The following MSRB3 variants were observed in gnomAD, a reference collection of about 807,000 sequenced individuals.
MSRB3 encodes the protein methionine sulfoxide reductase B3.
A neutral mutation model predicts 21.0 loss-of-function variants in MSRB3; 13 were observed. That is an observed-to-expected ratio of 0.62 (90% confidence interval 0.40 to 0.98). The LOEUF is 0.98. Among genes scored for constraint, MSRB3 ranks in the 50% least tolerant of loss-of-function variants. The pLI, the probability that MSRB3 is intolerant of heterozygous loss-of-function variation, is 0.00. For missense variants in MSRB3, 199 were observed against 230.3 expected, an observed-to-expected ratio of 0.86 and a Z score of 0.88; for synonymous variants, 87 against 88.6, an observed-to-expected ratio of 0.98 and a Z score of 0.10.
At chr12:65,296,300 C>T (rs1055485588) in intron 1 of MSRB3, among the ~76,000 whole-genome samples, 2 of 152,180 alleles carry the variant, frequency 1.3e-5, no homozygotes, top group Non-Finnish European at 2.9e-5. Flanking sequence ...AACACTCACA[C>T]GCATGCATGC....
chr12:65,302,162 A>G (rs1019618339), intron 1 of MSRB3, among the ~76,000 whole-genome samples: 4 of 152,158 alleles, frequency 2.6e-5, no homozygotes, highest in African/African-American at 9.6e-5. Context: ...ATTGATATTT[A>G]TAATCATGTA....
At chr12:65,448,047 A>C (rs948482752) in intron 5 of MSRB3, among the ~76,000 whole-genome samples, 2 of 152,218 alleles carry the variant, frequency 1.3e-5, no homozygotes, top group South Asian at 4.1e-4. Context: ...AGGATTTGGC[A>C]GAATAACACA....
chr12:65,448,179 C>G (rs1882702894), intron 5 of MSRB3, among the ~76,000 whole-genome samples: 1 of 152,104 alleles, frequency 6.6e-6, no homozygotes, highest in South Asian at 2.1e-4. Flanking sequence ...CTAAGGCTGT[C>G]TTACAGAGTG....
chr12:65,338,521 A>T (rs10878261), intron 4 of MSRB3, among the ~76,000 whole-genome samples: 2 of 152,084 alleles, frequency 1.3e-5, no homozygotes, highest in Non-Finnish European at 2.9e-5. Context: ...GACGACGTCT[A>T]TGGCTAGGAC....
At chr12:65,423,540 C>G (rs11175761) in intron 5 of MSRB3, among the ~76,000 whole-genome samples, 43,090 of 151,906 alleles carry the variant, frequency 0.28, 6,761 homozygotes, top group Middle Eastern at 0.46. Context: ...TTGTTGAGAG[C>G]TTTTATCATG....
chr12:65,380,652 A>G (rs530769888), intron 5 of MSRB3, among the ~76,000 whole-genome samples: 201 of 152,260 alleles, frequency 1.3e-3, no homozygotes, highest in Middle Eastern at 6.8e-3. Context: ...TACAAAATTG[A>G]TTTTCTGCCT....
intron 5 of MSRB3, among the ~76,000 whole-genome samples, chr12:65,421,192 G>C (rs186116420): frequency 4.3e-4 from 66 of 152,180 alleles, no homozygotes; most frequent in Non-Finnish European, 4.3e-4. Context: ...TTGTGGTTTT[G>C]ATTTGCATTT....
chr12:65,280,606 T>C (rs1302682296), intron 1 of MSRB3, among the ~76,000 whole-genome samples: 1 of 152,210 alleles, frequency 6.6e-6, no homozygotes, highest in African/African-American at 2.4e-5. Context: ...TATATCAGTC[T>C]AATTTCTGAT....
chr12:65,377,709 A>T (rs1396410765), intron 5 of MSRB3, among the ~76,000 whole-genome samples: 1 of 152,190 alleles, frequency 6.6e-6, no homozygotes, highest in Non-Finnish European at 1.5e-5. Flanking sequence ...ATGATGGAAG[A>T]TTTATTCTCC....
At chr12:65,285,916 A>G (rs1184450659) in intron 1 of MSRB3, 1 of 152,240 alleles carries the variant, frequency 6.6e-6, no homozygotes, top group Non-Finnish European at 1.5e-5. Context: ...TTATAAAAAT[A>G]GTATATTATT....
At chr12:65,422,859 G>T (rs1025826681) in intron 5 of MSRB3, among the ~76,000 whole-genome samples, 2 of 151,512 alleles carry the variant, frequency 1.3e-5, no homozygotes, top group Admixed American at 6.6e-5. Flanking sequence ...TTCATTATTA[G>T]TGTATAGAAA....
chr12:65,316,510 G>C (rs1440634031), intron 2 of MSRB3, among the ~76,000 whole-genome samples: 1 of 152,150 alleles, frequency 6.6e-6, no homozygotes, highest in Non-Finnish European at 1.5e-5. Flanking sequence ...TTAGTTCACT[G>C]TTACAATTCA....
At chr12:65,295,328 T>C (rs988745218) in intron 1 of MSRB3, among the ~76,000 whole-genome samples, 2 of 152,182 alleles carry the variant, frequency 1.3e-5, no homozygotes, top group African/African-American at 4.8e-5. Flanking sequence ...TTAGCTAGAG[T>C]GGGTCCTGTA....
Position 65,428,321 on chromosome 12 carries a change from TG to T in MSRB3, c.293-25406del, listed in dbSNP as rs562437408. On this transcript the variant is annotated intron_variant, in intron 5 of 6. Transcript: ENST00000308259. ...ATTTTCTGTGTGTATATTTTTTTTT[TG>T]CTCCACTGTATTGTTGCAAAATCTT... Among the ~76,000 whole-genome samples, 161 of 152,226 alleles carry T rather than the reference TG, an allele frequency of 1.1e-3. 1 individual carries two copies. Among genetic ancestry groups the T allele is most frequent in the African/African-American group, 3.5e-3 (146 of 41,528 alleles).
At chr12:65,380,375 G>A (rs1347435702) in intron 5 of MSRB3, among the ~76,000 whole-genome samples, 3 of 151,978 alleles carry the variant, frequency 2.0e-5, no homozygotes, top group Admixed American at 6.6e-5. Context: ...ACAGGAGTTC[G>A]AAACAGCCTG....
chr12:65,446,922 A>C (rs944108390), intron 5 of MSRB3, among the ~76,000 whole-genome samples: 1 of 152,234 alleles, frequency 6.6e-6, no homozygotes, highest in Non-Finnish European at 1.5e-5. Context: ...CAACTAGACT[A>C]GTTTTACATT....
At chr12:65,303,039 T>C (rs1873434679) in intron 1 of MSRB3, among the ~76,000 whole-genome samples, 1 of 152,132 alleles carries the variant, frequency 6.6e-6, no homozygotes, top group Non-Finnish European at 1.5e-5. Flanking sequence ...TTGGTCATTA[T>C]TTGACAAAAC....
At chr12:65,288,298 TC>T (rs974019694) in intron 1 of MSRB3, among the ~76,000 whole-genome samples, 13 of 109,752 alleles carry the variant, frequency 1.2e-4, no homozygotes, top group South Asian at 9.2e-4. Context: ...CGAGACCCCG[TC>T]CCCCCCGCAA....
At chr12:65,377,635 A>G (rs902427489) in intron 5 of MSRB3, among the ~76,000 whole-genome samples, 1 of 152,218 alleles carries the variant, frequency 6.6e-6, no homozygotes, top group Admixed American at 6.5e-5. Context: ...TAATTACTCA[A>G]TAAATAAAAG....
Sources: gnomAD v4.1 joint callset for allele counts (sites outside exome capture counted in the v4.1 genomes callset) on GRCh38, gnomAD v4.1.1 for gene constraint, MANE v1.5 for transcripts, NCBI Gene and HGNC (gene_info 2026-07-23, HGNC 2026-07-21) for gene names.